The following DCANP1 variants were observed in gnomAD, a reference collection of about 807,000 sequenced individuals.
The protein encoded by DCANP1 is dendritic cell associated nuclear protein 1.
For missense variants in DCANP1, 328 were observed against 293.7 expected (o/e 1.12, Z -0.85); for synonymous variants, 139 against 124.2 (o/e 1.12, Z -0.79).
At position 135,446,266 on chromosome 5, in the gene DCANP1, C is replaced by T. The variant is rs918757039; in HGVS notation, c.*108G>A. ...GTGGGGACAAGAATTCTAACCCAGG[C>T]AGCAGTCTGACCAGAGGGCCCTAGC... On this transcript the variant is annotated 3_prime_UTR_variant, in exon 1 of 1. Transcript: ENST00000503143. 5 of 1,364,956 alleles carry T rather than the reference C, an allele frequency of 3.7e-6. No individual in the cohort carries two copies. The African/African-American group carries it at 7.3e-5, about 20-fold the overall frequency. 84.6% of individuals were successfully genotyped at this position (1,364,956 alleles called of 1,614,324 possible).
chr5:135,445,188 C>T lies in DCANP1; in HGVS notation c.*1186G>A, dbSNP rs1769233276. The stretch of plus-strand genomic sequence containing the variant: ...AGGAAGTGCTGACTGAGAACTGTCT[C>T]TCTGTGACATGCACCCTGTCAAATC... On this transcript the variant is annotated 3_prime_UTR_variant, in exon 1 of 1. Transcript: ENST00000503143. 6.6e-6 allele frequency: 1 copy of T among 152,172 alleles called. No homozygotes were observed. Among genetic ancestry groups the T allele is most frequent in the South Asian group, 2.1e-4 (1 of 4,828 alleles). The allele number at this position is 152,172 out of a possible 1,614,324, so 9.4% of individuals were successfully genotyped here. A position where few individuals can be genotyped will look rare whatever the true frequency, so the allele number is the denominator to read the frequency against.
chr5:135,446,399 C>A lies in DCANP1; in HGVS notation c.710G>T (p.Arg237Leu). 6.2e-7 allele frequency: 1 copy of A among 1,606,796 alleles called. No homozygotes were observed. The highest frequency in any genetic ancestry group is 8.5e-7 in the Non-Finnish European group (1 of 1,174,482). ...QPPLHSLSSH[R>L]RAAHVPE ...TCACTCAGGCACGTGGGCTGCCCTG[C>A]GGTGGGAGCTGAGAGAATGCAGTGG... The change falls in exon 1 of 1, where the codon CGC becomes CTC. Residue 237 changes from arginine to leucine, a missense_variant. Physicochemically the swap from Arg to Leu is moderately radical, Grantham distance 102. Coordinates refer to ENST00000503143, the MANE Select transcript of DCANP1 (RefSeq NM_130848.3).
Position 135,446,628 on chromosome 5 carries a change from C to T in DCANP1, c.481G>A (p.Ala161Thr), listed in dbSNP as rs1281089129. The stretch of plus-strand genomic sequence containing the variant: ...GTCTCGGATGGGCAGAGCTTAACTG[C>T]CTTAAAAACTTGGTACAGGGCAAGG... ...SHLALYQVFK[A>T]VKLCPSETSF... The change falls in exon 1 of 1, where the codon GCA becomes ACA. Residue 161 changes from alanine to threonine, a missense_variant. Ala to Thr is a moderately conservative substitution (Grantham distance 58, BLOSUM62 0). Coordinates refer to ENST00000503143, the MANE Select transcript of DCANP1 (RefSeq NM_130848.3). 3 of 1,613,884 alleles carry T rather than the reference C, an allele frequency of 1.9e-6. No individual in the cohort carries two copies. The highest frequency in any genetic ancestry group is 1.7e-5 in the Admixed American group (1 of 60,004).
rs1395952393 is a variant in DCANP1 at position 135,445,756 on chromosome 5, C to T, written c.*618G>A. Reference sequence around the variant, plus strand: ...ATGCTGTCTAGCGTGTCTGCTGTGACTTCCTCATGGCAGAGCCCCACACTG... The same window carrying T: ...ATGCTGTCTAGCGTGTCTGCTGTGATTTCCTCATGGCAGAGCCCCACACTG... On this transcript the variant is annotated 3_prime_UTR_variant, in exon 1 of 1. Transcript: ENST00000503143. 2 of 152,478 alleles carry T rather than the reference C, an allele frequency of 1.3e-5. No homozygotes were observed. The highest frequency in any genetic ancestry group is 2.9e-5 in the Non-Finnish European group (2 of 68,264). 9.4% of individuals were successfully genotyped at this position (152,478 alleles called of 1,614,324 possible). A position where few individuals can be genotyped will look rare whatever the true frequency, so the allele number is the denominator to read the frequency against.
chr5:135,446,535 T>A lies in DCANP1; in HGVS notation c.574A>T (p.Asn192Tyr), dbSNP rs1185645176. ...DPWHPPSLSP[N>Y]SWNRQAGFRA... is the part of the protein sequence containing the mutation. ...AAGCCAGCCTGACGGTTCCAGCTGT[T>A]AGGAGAAAGTGAAGGTGGGTGCCAT... The change falls in exon 1 of 1, where the codon AAC becomes TAC. Residue 192 changes from asparagine (N) to tyrosine (Y), a missense_variant. Physicochemically the swap from Asn to Tyr is moderately radical, Grantham distance 143. Transcript: ENST00000503143. 6.2e-7 allele frequency: 1 copy of A among 1,613,902 alleles called. No individual in the cohort carries two copies. Among genetic ancestry groups the A allele is most frequent in the East Asian group, 2.2e-5 (1 of 44,872 alleles).
In DCANP1 at chr5:135,446,990, C is replaced by T. The variant is rs1769280443; in HGVS notation, c.119G>A (p.Cys40Tyr). The T allele has an allele frequency of 3.1e-6, 5 of 1,613,166 alleles. No individual in the cohort carries two copies. Among genetic ancestry groups the T allele is most frequent in the Non-Finnish European group, 4.2e-6 (5 of 1,179,486 alleles). ...AGGETPEFPG[C>Y]HSPAPPENFG... ...GTTCTCTGGTGGAGCTGGGGAGTGG[C>T]ACCCTGGGAACTCTGGGGTTTCCCC... Residue 40 changes from cysteine to tyrosine, a missense_variant, in exon 1 of 1, where the codon TGC becomes TAC. Physicochemically the swap from Cys to Tyr is radical, Grantham distance 194 (BLOSUM62 -2). Transcript: ENST00000503143.
Position 135,444,343 on chromosome 5 carries a change from T to C in DCANP1, c.*2031A>G, listed in dbSNP as rs1483043760. ...GCATCTCCTCTTAACTGGGCTGGGT[T>C]GTTTACTCCTCCCACAGTCTTGGAT... On this transcript the variant is annotated 3_prime_UTR_variant, in exon 1 of 1. Coordinates refer to ENST00000503143, the MANE Select transcript of DCANP1 (RefSeq NM_130848.3). 1 of 152,270 alleles carries C rather than the reference T, an allele frequency of 6.6e-6. No homozygotes were observed. Among genetic ancestry groups the C allele is most frequent in the Non-Finnish European group, 1.5e-5 (1 of 68,066 alleles). 9.4% of individuals were successfully genotyped at this position (152,270 alleles called of 1,614,324 possible).
At position 135,446,076 on chromosome 5, in the gene DCANP1, T is replaced by G; in HGVS notation, c.*298A>C. 3.5e-6 allele frequency: 1 copy of G among 283,594 alleles called. No individual in the cohort carries two copies. The highest frequency in any genetic ancestry group is 6.7e-6 in the Non-Finnish European group (1 of 149,788). The allele number at this position is 283,594 out of a possible 1,614,324, so 17.6% of individuals were successfully genotyped here. Reference sequence around the variant, plus strand: ...ACTGGACAGTGATAGCTAACCCTGTTGACCCTTATGTCTGGGTGCCTTAAA... The same window carrying G: ...ACTGGACAGTGATAGCTAACCCTGTGGACCCTTATGTCTGGGTGCCTTAAA... On this transcript the variant is annotated 3_prime_UTR_variant, in exon 1 of 1. Coordinates refer to ENST00000503143, the MANE Select transcript of DCANP1 (RefSeq NM_130848.3).
rs915868650 is a variant in DCANP1, at chr5:135,447,229, A to G, written c.-121T>C. 199 of 1,223,346 alleles carry G rather than the reference A, an allele frequency of 1.6e-4. 2 individuals carry two copies. The highest frequency in any genetic ancestry group is 2.4e-4 in the Middle Eastern group (1 of 4,246). 75.8% of individuals were successfully genotyped at this position (1,223,346 alleles called of 1,614,324 possible). ...ATCTCCCATTATACTAACCCTGCCT[A>G]TTGGACCTTCTGATGCAAGGAGCAG... On this transcript the variant is annotated 5_prime_UTR_variant, in exon 1 of 1. Transcript: ENST00000503143.
Position 135,446,860 on chromosome 5 carries a change from C to T in DCANP1, c.249G>A (p.Glu83=). The change falls in exon 1 of 1, where the codon GAG becomes GAA. Residue 83 remains glutamate (E), a synonymous_variant. Coordinates refer to ENST00000503143, the MANE Select transcript of DCANP1 (RefSeq NM_130848.3). The part of the protein sequence containing the change: ...NKTLPAGVLR[E]GAVQFLHRGL... ...CCCTGTGGAGGAATTGAACTGCCCC[C>T]TCTCGCAGGACCCCAGCTGGCAAGG... 1 of 1,613,920 alleles carries T rather than the reference C, an allele frequency of 6.2e-7. No homozygotes were observed. Among genetic ancestry groups the T allele is most frequent in the Non-Finnish European group, 8.5e-7 (1 of 1,179,834 alleles).
Position 135,445,710 on chromosome 5 carries a change from C to T in DCANP1, c.*664G>A, listed in dbSNP as rs744247. ...AGTGCTCCACCATGGGCCTCCCTTCCTCCAGGTTGCATCCAGGACTATGCT... is the reference window on the plus strand; with the variant it reads ...AGTGCTCCACCATGGGCCTCCCTTCTTCCAGGTTGCATCCAGGACTATGCT... On this transcript the variant is annotated 3_prime_UTR_variant, in exon 1 of 1. Coordinates refer to ENST00000503143, the MANE Select transcript of DCANP1 (RefSeq NM_130848.3). The T allele has an allele frequency of 0.18, 28,069 of 152,396 alleles. 2,775 individuals are homozygous for T. Among genetic ancestry groups the T allele is most frequent in the Admixed American group, 0.29 (4,403 of 15,304 alleles). 9.4% of individuals were successfully genotyped at this position (152,396 alleles called of 1,614,324 possible).
chr5:135,447,170 T>C lies in DCANP1; in HGVS notation c.-62A>G. ...CTGCTTTTCATCAGACCAAAATACA[T>C]GTGGCTTCTTCTCCTTGCCAGCCCT... On this transcript the variant is annotated 5_prime_UTR_variant, in exon 1 of 1. The change abolishes an upstream ATG in the 5' untranslated region. Transcript: ENST00000503143. 6.2e-7 allele frequency: 1 copy of C among 1,606,200 alleles called. No individual in the cohort carries two copies. The highest frequency in any genetic ancestry group is 8.5e-7 in the Non-Finnish European group (1 of 1,174,258).
chr5:135,447,294 A>G lies in DCANP1; in HGVS notation c.-186T>C. On this transcript the variant is annotated 5_prime_UTR_variant, in exon 1 of 1. Coordinates refer to ENST00000503143, the MANE Select transcript of DCANP1 (RefSeq NM_130848.3). ...CCTGTTGCCTACCAGGTCCGTGGCTACAACTAAATCCCTAGTTGGGGAATC... is the reference window on the plus strand; with the variant it reads ...CCTGTTGCCTACCAGGTCCGTGGCTGCAACTAAATCCCTAGTTGGGGAATC... 1 of 696,870 alleles carries G rather than the reference A, an allele frequency of 1.4e-6. No homozygotes were observed. Among genetic ancestry groups the G allele is most frequent in the Non-Finnish European group, 2.4e-6 (1 of 411,372 alleles). The allele number at this position is 696,870 out of a possible 1,614,324, so 43.2% of individuals were successfully genotyped here.
chr5:135,446,236 T>G lies in DCANP1; in HGVS notation c.*138A>C. ...TCCAGGATCACAGAACTATAGTAAG[T>G]GGGGGTGGGGACAAGAATTCTAACC... is the stretch of plus-strand genomic sequence containing the variant. On this transcript the variant is annotated 3_prime_UTR_variant, in exon 1 of 1. Coordinates refer to ENST00000503143, the MANE Select transcript of DCANP1 (RefSeq NM_130848.3). 1.0e-6 allele frequency: 1 copy of G among 1,001,456 alleles called. No individual in the cohort carries two copies. Among genetic ancestry groups the G allele is most frequent in the Non-Finnish European group, 1.5e-6 (1 of 679,056 alleles). The allele number at this position is 1,001,456 out of a possible 1,614,324, so 62.0% of individuals were successfully genotyped here. A position where few individuals can be genotyped will look rare whatever the true frequency, so the allele number is the denominator to read the frequency against.
At position 135,446,305 on chromosome 5, in the gene DCANP1, C is replaced by T; in HGVS notation, c.*69G>A. The T allele has an allele frequency of 6.6e-7, 1 of 1,521,834 alleles. No individual in the cohort carries two copies. The highest frequency in any genetic ancestry group is 8.8e-7 in the Non-Finnish European group (1 of 1,133,150). 94.3% of individuals were successfully genotyped at this position (1,521,834 alleles called of 1,614,324 possible). ...GAGGGCCCTAGCTGGGAGCAGCGTT[C>T]ATGTGCACTGTATGTTCGTGTTTAG... On this transcript the variant is annotated 3_prime_UTR_variant, in exon 1 of 1. Coordinates refer to ENST00000503143, the MANE Select transcript of DCANP1 (RefSeq NM_130848.3).
Position 135,445,834 on chromosome 5 carries a change from C to G in DCANP1, c.*540G>C, listed in dbSNP as rs1175824062. The G allele has an allele frequency of 1.3e-5, 2 of 153,118 alleles. No homozygotes were observed. Among genetic ancestry groups the G allele is most frequent in the African/African-American group, 4.8e-5 (2 of 41,476 alleles). 9.5% of individuals were successfully genotyped at this position (153,118 alleles called of 1,614,324 possible). A position where few individuals can be genotyped will look rare whatever the true frequency, so the allele number is the denominator to read the frequency against. ...TCCCTCGAGGGGAGCCCGTGTCTCT[C>G]ACGGACAGCTTGGCAAGATTCACAT... On this transcript the variant is annotated 3_prime_UTR_variant, in exon 1 of 1. Transcript: ENST00000503143.
chr5:135,447,026 C>G lies in DCANP1; in HGVS notation c.83G>C (p.Arg28Thr), dbSNP rs754384816. The G allele has an allele frequency of 1.9e-6, 3 of 1,613,958 alleles. No homozygotes were observed. The highest frequency in any genetic ancestry group is 2.5e-6 in the Non-Finnish European group (3 of 1,179,868). ...CTCTGGGGTTTCCCCACCAGCTCCTCTCTCCAGTCTTTGGTGTCCAGGTAC... is the reference window on the plus strand; with the variant it reads ...CTCTGGGGTTTCCCCACCAGCTCCTGTCTCCAGTCTTTGGTGTCCAGGTAC... The part of the protein sequence containing the change: ...ETVPGHQRLE[R>T]GAGGETPEFP... The change falls in exon 1 of 1, where the codon AGA becomes ACA. Residue 28 changes from arginine (R) to threonine (T), a missense_variant. Physicochemically the swap from Arg to Thr is moderately conservative, Grantham distance 71. Coordinates refer to ENST00000503143, the MANE Select transcript of DCANP1 (RefSeq NM_130848.3).
At position 135,446,841 on chromosome 5, in the gene DCANP1, G is replaced by A; in HGVS notation, c.268C>T (p.His90Tyr). 2.5e-6 allele frequency: 4 copies of A among 1,613,934 alleles called. No individual in the cohort carries two copies. The highest frequency in any genetic ancestry group is 3.4e-6 in the Non-Finnish European group (4 of 1,179,850). ...VLREGAVQFLHRGLCNSNLSS... is the reference protein window; with the variant it reads ...VLREGAVQFLYRGLCNSNLSS... ...AGATTGGAGTTGCAGAGTCCCCTGT[G>A]GAGGAATTGAACTGCCCCCTCTCGC... Residue 90 changes from histidine (H) to tyrosine (Y), a missense_variant, in exon 1 of 1, where the codon CAC (histidine) becomes TAC (tyrosine). Transcript: ENST00000503143.
At position 135,445,609 on chromosome 5, in the gene DCANP1, G is replaced by C. The variant is rs533216054; in HGVS notation, c.*765C>G. On this transcript the variant is annotated 3_prime_UTR_variant, in exon 1 of 1. Coordinates refer to ENST00000503143, the MANE Select transcript of DCANP1 (RefSeq NM_130848.3). ...TGTTCAGCTCTGGAAAGGCCACCGG[G>C]AACACAAGAGCCAACAACCCATGGC... is the stretch of plus-strand genomic sequence containing the variant. 1 of 152,358 alleles carries C rather than the reference G, an allele frequency of 6.6e-6. No individual in the cohort carries two copies. Among genetic ancestry groups the C allele is most frequent in the African/African-American group, 2.4e-5 (1 of 41,462 alleles). 9.4% of individuals were successfully genotyped at this position (152,358 alleles called of 1,614,324 possible).
Sources: gnomAD v4.1 joint callset for allele counts on GRCh38, gnomAD v4.1.1 for gene constraint, MANE v1.5 for transcripts, NCBI Gene and HGNC (gene_info 2026-07-23, HGNC 2026-07-21) for gene names.